The following ZNF853 variants were observed in gnomAD, a reference collection of about 807,000 sequenced individuals.
ZNF853 encodes the protein zinc finger protein 853.
A neutral mutation model predicts 94.7 loss-of-function variants in ZNF853; 57 were observed. The ratio of observed to expected loss-of-function variants is 0.60; its 90% confidence interval spans 0.49 to 0.75. ZNF853 has a LOEUF of 0.75. ZNF853 is among the 30% of genes least tolerant of loss of function. The pLI, the probability that ZNF853 is intolerant of heterozygous loss-of-function variation, is 0.00. For synonymous variants in ZNF853, 448 were observed against 406.3 expected (o/e 1.10, Z -1.23); for missense variants, 785 against 868.9 (o/e 0.90, Z 1.21).
In ZNF853 at chr7:6,623,091, C is replaced by A; in HGVS notation, c.*120C>A. On this transcript the variant is annotated 3_prime_UTR_variant, in exon 3 of 3. Coordinates refer to ENST00000457543, the MANE Select transcript of ZNF853 (RefSeq NM_017560.3). ...CCTGGAATATCCCTGGAGTAAAAGG[C>A]TTCCACCATCATCATCATCATCATC... is the stretch of plus-strand genomic sequence containing the variant. The A allele has an allele frequency of 1.2e-6, 1 of 802,902 alleles. No individual in the cohort carries two copies. The highest frequency in any genetic ancestry group is 1.7e-6 in the Non-Finnish European group (1 of 595,396). The allele number at this position is 802,902 out of a possible 1,614,324, so 49.7% of individuals were successfully genotyped here.
At chr7:6,617,331 G>T in intron 2 of ZNF853, 24 bp downstream of exon 2, 1 of 1,411,928 alleles carries the variant, frequency 7.1e-7, no homozygotes, top group South Asian at 1.5e-5. Flanking sequence ...GGGATCCCTT[G>T]ACAGAGCCTC....
chr7:6,622,108 G>T lies in ZNF853; in HGVS notation c.1117G>T (p.Glu373Ter). The change falls in exon 3 of 3, where the codon GAG (glutamate) becomes TAG (stop). Residue 373 changes from glutamate (E) to a stop codon, truncating the protein, a stop_gained. Coordinates refer to ENST00000457543, the MANE Select transcript of ZNF853 (RefSeq NM_017560.3). LOFTEE classifies it high-confidence loss of function. ...GCTGCAGCAGCTGGAGCAACAGCTGGAGCAGCAGCAGCAGCAGCTGGAGCA... is the reference window on the plus strand; with the variant it reads ...GCTGCAGCAGCTGGAGCAACAGCTGTAGCAGCAGCAGCAGCAGCTGGAGCA... ...EELQQLEQQL[E>*]QQQQQLEQQE... 1 of 1,544,488 alleles carries T rather than the reference G, an allele frequency of 6.5e-7. No individual in the cohort carries two copies. The highest frequency in any genetic ancestry group is 8.7e-7 in the Non-Finnish European group (1 of 1,146,038).
In ZNF853 at chr7:6,621,598, C is replaced by T. The variant is rs58107700; in HGVS notation, c.607C>T (p.Leu203=). 1.3e-6 allele frequency: 2 copies of T among 1,551,436 alleles called. No homozygotes were observed. The highest frequency in any genetic ancestry group is 1.7e-6 in the Non-Finnish European group (2 of 1,146,744). ...ACAGCAGCAAGTGCAAGAGCAACAG[C>T]TGTTACAGCAACAGCAGGAACAGTT... ...QLQQQVQEQQ[L]LQQQQEQLQQ... Residue 203 remains leucine (L), a synonymous_variant, in exon 3 of 3, where the codon CTG becomes TTG. Transcript: ENST00000457543.
In ZNF853 at chr7:6,616,163, C is replaced by A. The variant is rs766912282; in HGVS notation, c.-12C>A. 4.5e-6 allele frequency: 7 copies of A among 1,547,312 alleles called. No homozygotes were observed. Among genetic ancestry groups the A allele is most frequent in the Non-Finnish European group, 5.2e-6 (6 of 1,144,652 alleles). ...ACACCTCCCTAGCGCAGAGGCTGCCCGGGAGCAGGAAATGCTCCACCAGGT... is the reference window on the plus strand; with the variant it reads ...ACACCTCCCTAGCGCAGAGGCTGCCAGGGAGCAGGAAATGCTCCACCAGGT... On this transcript the variant is annotated 5_prime_UTR_variant, in exon 1 of 3. Coordinates refer to ENST00000457543, the MANE Select transcript of ZNF853 (RefSeq NM_017560.3).
In ZNF853 at chr7:6,623,198, G is replaced by T; in HGVS notation, c.*227G>T. On this transcript the variant is annotated 3_prime_UTR_variant, in exon 3 of 3. Coordinates refer to ENST00000457543, the MANE Select transcript of ZNF853 (RefSeq NM_017560.3). Reference sequence around the variant, plus strand: ...TCCGCCAAAAGAGAAGTGGACCGGGGCTGAAACAGCACACGGGACACGTTT... The same window carrying T: ...TCCGCCAAAAGAGAAGTGGACCGGGTCTGAAACAGCACACGGGACACGTTT... 1 of 425,358 alleles carries T rather than the reference G, an allele frequency of 2.4e-6. No individual in the cohort carries two copies. Among genetic ancestry groups the T allele is most frequent in the African/African-American group, 2.0e-5 (1 of 49,230 alleles). 26.3% of individuals were successfully genotyped at this position (425,358 alleles called of 1,614,324 possible).
In ZNF853 at chr7:6,621,844, C is replaced by T; in HGVS notation, c.853C>T (p.Gln285Ter). ...QQQLLLQQQE[Q>*]LQQQQQQQLL... ...GCAGCTACTGCTGCAGCAGCAGGAA[C>T]AGTTACAGCAGCAGCAGCAACAGCA... Residue 285 changes from glutamine to a stop codon, truncating the protein, a stop_gained, in exon 3 of 3, where the codon CAG (glutamine) becomes TAG (stop). Transcript: ENST00000457543. LOFTEE classifies it high-confidence loss of function. 1.3e-6 allele frequency: 2 copies of T among 1,550,934 alleles called. No homozygotes were observed. Among genetic ancestry groups the T allele is most frequent in the Non-Finnish European group, 8.7e-7 (1 of 1,146,792 alleles).
Position 6,622,740 on chromosome 7 carries a change from C to A in ZNF853, c.1749C>A (p.Asn583Lys). The part of the protein sequence containing the change: ...DCGKRFSVSS[N>K]LLRHRRTHSG... ...GCAAGCGCTTCAGCGTCTCCTCCAA[C>A]CTGCTGCGCCACCGGCGCACGCACT... Residue 583 changes from asparagine (N) to lysine (K), a missense_variant, in exon 3 of 3, where the codon AAC (asparagine) becomes AAA (lysine). Physicochemically the swap from Asn to Lys is moderately conservative, Grantham distance 94. Transcript: ENST00000457543. 6.4e-7 allele frequency: 1 copy of A among 1,558,160 alleles called. No individual in the cohort carries two copies. Among genetic ancestry groups the A allele is most frequent in the East Asian group, 2.4e-5 (1 of 41,542 alleles).
chr7:6,617,342 ATGCC>A, intron 2 of ZNF853, 35 bp downstream of exon 2: 1 of 1,378,234 alleles, frequency 7.3e-7, no homozygotes, highest in Non-Finnish European at 9.5e-7. Flanking sequence ...ACAGAGCCTC[ATGCC>A]TGCCTGCTGT....
Position 6,621,541 on chromosome 7 carries a change from G to A in ZNF853, c.550G>A (p.Glu184Lys). 6.4e-7 allele frequency: 1 copy of A among 1,551,412 alleles called. No individual in the cohort carries two copies. Among genetic ancestry groups the A allele is most frequent in the Non-Finnish European group, 8.7e-7 (1 of 1,146,882 alleles). ...GCAGTTACAGACGCAGCAAGCACAA[G>A]AGCAACAGGTATTGCAGCAGCAGGA... ...QEQLQTQQAQ[E>K]QQVLQQQEQL... Residue 184 changes from glutamate (E) to lysine (K), a missense_variant, in exon 3 of 3, where the codon GAG (glutamate) becomes AAG (lysine). Transcript: ENST00000457543.
intron 2 of ZNF853, among the ~76,000 whole-genome samples, chr7:6,618,474 C>T: frequency 0.023 from 3,513 of 152,144 alleles, 64 homozygotes; most frequent in Middle Eastern, 0.048. Flanking sequence ...TTTGGGAAAC[C>T]GAGGCAGGTG....
At chr7:6,618,846 A>G in intron 2 of ZNF853, among the ~76,000 whole-genome samples, 2 of 152,080 alleles carry the variant, frequency 1.3e-5, no homozygotes, top group Admixed American at 6.6e-5. Flanking sequence ...AGGTGGGAGA[A>G]AGGAGGGTCC....
chr7:6,621,127 A>G lies in ZNF853; in HGVS notation c.136A>G (p.Ser46Gly). ...GPGPDTLSGG[S>G]GGSESQEEEE... Reference sequence around the variant, plus strand: ...TCCTGCCATTTCTTCCACAGGTGGCAGCGGTGGGAGCGAGAGTCAGGAGGA... The same window carrying G: ...TCCTGCCATTTCTTCCACAGGTGGCGGCGGTGGGAGCGAGAGTCAGGAGGA... The change falls in exon 3 of 3, where the codon AGC (serine) becomes GGC (glycine). Residue 46 changes from serine (S) to glycine (G), a missense_variant. Physicochemically the swap from Ser to Gly is moderately conservative, Grantham distance 56. Coordinates refer to ENST00000457543, the MANE Select transcript of ZNF853 (RefSeq NM_017560.3). 6.8e-7 allele frequency: 1 copy of G among 1,463,436 alleles called. No homozygotes were observed. The highest frequency in any genetic ancestry group is 1.5e-5 in the South Asian group (1 of 68,240). 90.7% of individuals were successfully genotyped at this position (1,463,436 alleles called of 1,614,324 possible).
Position 6,620,440 on chromosome 7 carries a change from C to G in ZNF853, c.131-682C>G. Among the ~76,000 whole-genome samples, 12 of 152,228 alleles carry G rather than the reference C, an allele frequency of 7.9e-5. 1 individual carries two copies. In the East Asian group the frequency reaches 2.3e-3, roughly 29 times the overall value. On this transcript the variant is annotated intron_variant, in intron 2 of 2. Coordinates refer to ENST00000457543, the MANE Select transcript of ZNF853 (RefSeq NM_017560.3). ...CTTCTCAGGATGGTCAGGGAGCCCC[C>G]AGCATCCCTGCTAGTGCCAGTGCCG...
chr7:6,617,142 G>T, intron 1 of ZNF853, 48 bp from the exon 2 acceptor site: 1 of 1,475,830 alleles, frequency 6.8e-7, no homozygotes, highest in Non-Finnish European at 9.1e-7. Flanking sequence ...CCTGGCGGGG[G>T]TCAAAGCACT....
Position 6,622,187 on chromosome 7 carries a change from A to G in ZNF853, c.1196A>G (p.Glu399Gly). The change falls in exon 3 of 3, where the codon GAG becomes GGG. Residue 399 changes from glutamate to glycine, a missense_variant. Glu to Gly is a moderately conservative substitution (Grantham distance 98). Transcript: ENST00000457543. The stretch of plus-strand genomic sequence containing the variant: ...GTGGAGCTAGGCGCCCAGCAGCAGG[A>G]GGTGCAGCTGGAGCTGACCCCCGTG... The part of the protein sequence containing the change: ...TPVELGAQQQ[E>G]VQLELTPVQP... 1 of 1,539,208 alleles carries G rather than the reference A, an allele frequency of 6.5e-7. No homozygotes were observed. Among genetic ancestry groups the G allele is most frequent in the Non-Finnish European group, 8.7e-7 (1 of 1,145,478 alleles).
At position 6,622,790 on chromosome 7, in the gene ZNF853, A is replaced by C. The variant is rs866101378; in HGVS notation, c.1799A>C (p.Glu600Ala). The C allele has an allele frequency of 2.0e-5, 30 of 1,537,752 alleles. No homozygotes were observed. Among genetic ancestry groups the C allele is most frequent in the Non-Finnish European group, 2.5e-5 (29 of 1,145,794 alleles). The change falls in exon 3 of 3, where the codon GAG (glutamate) becomes GCG (alanine). Residue 600 changes from glutamate (E) to alanine (A), a missense_variant. Coordinates refer to ENST00000457543, the MANE Select transcript of ZNF853 (RefSeq NM_017560.3). ...THSGERPYVCEDCGERFRHKV... is the reference protein window; with the variant it reads ...THSGERPYVCADCGERFRHKV... ...TCGGGCGAGCGGCCCTACGTGTGCG[A>C]GGACTGTGGCGAGCGCTTCCGACAC...
At chr7:6,618,865 T>C in intron 2 of ZNF853, among the ~76,000 whole-genome samples, 1 of 152,064 alleles carries the variant, frequency 6.6e-6, no homozygotes, top group East Asian at 1.9e-4. Flanking sequence ...CCATGAGACA[T>C]TGGACTTGCT....
intron 2 of ZNF853, among the ~76,000 whole-genome samples, chr7:6,617,962 C>T: frequency 6.6e-6 from 1 of 151,968 alleles, no homozygotes; most frequent in Non-Finnish European, 1.5e-5. Context: ...TTGAAAAGGA[C>T]CAAGGGAATT....
rs1440608850 is a variant in ZNF853, at chr7:6,621,620, A to G, written c.629A>G (p.Gln210Arg). 2 of 1,549,932 alleles carry G rather than the reference A, an allele frequency of 1.3e-6. No individual in the cohort carries two copies. Among genetic ancestry groups the G allele is most frequent in the Non-Finnish European group, 1.7e-6 (2 of 1,145,520 alleles). The change falls in exon 3 of 3, where the codon CAG becomes CGG. Residue 210 changes from glutamine (Q) to arginine (R), a missense_variant. Gln to Arg is a conservative substitution (Grantham distance 43). Coordinates refer to ENST00000457543, the MANE Select transcript of ZNF853 (RefSeq NM_017560.3). ...CAGCTGTTACAGCAACAGCAGGAAC[A>G]GTTACAGCAGCAGCAGCTGCTACAA... ...EQQLLQQQQE[Q>R]LQQQQLLQQQ...
Sources: allele counts gnomAD v4.1 joint callset (sites outside exome capture counted in the v4.1 genomes callset), GRCh38; gene constraint gnomAD v4.1.1; transcripts MANE v1.5; gene names NCBI Gene and HGNC (gene_info 2026-07-23, HGNC 2026-07-21).